The following MESP1 variants were observed in gnomAD, a reference collection of about 807,000 sequenced individuals.
MESP1 encodes the protein mesoderm posterior bHLH transcription factor 1.
A neutral mutation model predicts 15.2 loss-of-function variants in MESP1; 22 were observed. The observed-to-expected ratio is 1.45, with a 90% confidence interval of 1.04 to 2.07. MESP1 has a LOEUF of 2.07. Ranked by LOEUF, MESP1 falls within the 30% of genes most tolerant of loss-of-function variation. The pLI is 0.00. For synonymous variants in MESP1, 216 were observed against 192.6 expected (o/e 1.12, Z -1.01); for missense variants, 484 against 411.9 (o/e 1.17, Z -1.51).
Position 89,750,630 on chromosome 15 carries a change from C to A in MESP1, c.602G>T (p.Trp201Leu). The change falls in exon 1 of 2, where the codon TGG (tryptophan) becomes TTG (leucine). Residue 201 changes from tryptophan to leucine, a missense_variant. Physicochemically the swap from Trp to Leu is moderately conservative, Grantham distance 61. Transcript: ENST00000300057. ...LVSAVRAGAS[W>L]GSPPACPGAR... ...TCCGGGGCAGGCAGGCGGGGATCCC[C>A]AGGACGCCCCGGCGCGGACGGCGGA... The A allele has an allele frequency of 1.4e-6, 2 of 1,380,264 alleles. No homozygotes were observed. Among genetic ancestry groups the A allele is most frequent in the South Asian group, 1.7e-5 (1 of 58,888 alleles). The allele number at this position is 1,380,264 out of a possible 1,614,324, so 85.5% of individuals were successfully genotyped here. A position where few individuals can be genotyped will look rare whatever the true frequency, so the allele number is the denominator to read the frequency against.
rs1968093448 is a variant in MESP1, at chr15:89,751,157, C to T, written c.75G>A (p.Pro25=). The T allele has an allele frequency of 7.9e-7, 1 of 1,264,636 alleles. No individual in the cohort carries two copies. The highest frequency in any genetic ancestry group is 9.9e-7 in the Non-Finnish European group (1 of 1,008,016). The allele number at this position is 1,264,636 out of a possible 1,614,324, so 78.3% of individuals were successfully genotyped here. ...GGCCGCAGTCCTTGTCGGAGGGCGG[C>T]GGCCGCCGAGTTGGGCCCCAGGCCG... The part of the protein sequence containing the change: ...LSAAWGPTRR[P]PPSDKDCGRS... The change falls in exon 1 of 2, where the codon CCG becomes CCA. Residue 25 remains proline (P), a synonymous_variant. Coordinates refer to ENST00000300057, the MANE Select transcript of MESP1 (RefSeq NM_018670.4).
chr15:89,742,920 T>C, the MESP1 span, among the ~76,000 whole-genome samples: 1 of 152,228 alleles, frequency 6.6e-6, no homozygotes, highest in Non-Finnish European at 1.5e-5. Context: ...ACTGGCATAT[T>C]TCAGTCAGCG....
At chr15:89,746,033 C>T (rs985046380), downstream of MESP1, among the ~76,000 whole-genome samples, 146 of 150,262 alleles carry the variant, frequency 9.7e-4, 1 homozygote, top group African/African-American at 3.4e-3. Flanking sequence ...ACAGCATCCA[C>T]ACTTTCACAC....
the MESP1 span, among the ~76,000 whole-genome samples, chr15:89,742,722 G>A: frequency 6.6e-6 from 1 of 151,950 alleles, no homozygotes; most frequent in Non-Finnish European, 1.5e-5. Context: ...TAGTAGAGAC[G>A]GGGTTTCTCC....
At chr15:89,741,653 A>G in the MESP1 span, among the ~76,000 whole-genome samples, 6 of 152,302 alleles carry the variant, frequency 3.9e-5, no homozygotes, top group African/African-American at 1.4e-4. Flanking sequence ...AACACAAAAT[A>G]TGGTGCATCT....
At chr15:89,742,523 T>A in the MESP1 span, among the ~76,000 whole-genome samples, 26 of 152,082 alleles carry the variant, frequency 1.7e-4, no homozygotes, top group Admixed American at 7.2e-4. Context: ...TATTTTTTTT[T>A]AAACAACTCT....
At chr15:89,733,780 C>A in the MESP1 span, among the ~76,000 whole-genome samples, 1 of 152,162 alleles carries the variant, frequency 6.6e-6, no homozygotes, top group African/African-American at 2.4e-5. Context: ...GCCTCCAGAA[C>A]TGTAAGAAAT....
downstream of MESP1, among the ~76,000 whole-genome samples, chr15:89,746,364 C>G (rs1214114019): frequency 7.1e-6 from 1 of 141,482 alleles, no homozygotes; most frequent in African/African-American, 2.9e-5. Flanking sequence ...CACATCCACA[C>G]AGCATCCACA....
At position 89,750,603 on chromosome 15, in the gene MESP1, G is replaced by T; in HGVS notation, c.629C>A (p.Ala210Asp). The T allele has an allele frequency of 7.1e-7, 1 of 1,398,694 alleles. No homozygotes were observed. The highest frequency in any genetic ancestry group is 1.6e-5 in the South Asian group (1 of 62,330). The allele number at this position is 1,398,694 out of a possible 1,614,324, so 86.6% of individuals were successfully genotyped here. The change falls in exon 1 of 2, where the codon GCC becomes GAC. Residue 210 changes from alanine (A) to aspartate (D), a missense_variant. Physicochemically the swap from Ala to Asp is moderately radical, Grantham distance 126. Transcript: ENST00000300057. The part of the protein sequence containing the change: ...SWGSPPACPG[A>D]RAAPEPRDPP... ...GTCGCGCGGCTCGGGTGCAGCTCGG[G>T]CTCCGGGGCAGGCAGGCGGGGATCC...
downstream of MESP1, among the ~76,000 whole-genome samples, chr15:89,748,063 T>C (rs1968005824): frequency 6.6e-6 from 1 of 152,196 alleles, no homozygotes; most frequent in Non-Finnish European, 1.5e-5. Context: ...ACTGGGCCAC[T>C]CCCAGGCTCA....
At chr15:89,732,962 C>T in the MESP1 span, 9 of 1,595,290 alleles carry the variant, frequency 5.6e-6, no homozygotes, top group Non-Finnish European at 7.7e-6. Context: ...TGGCCTCCTC[C>T]CCTACCCCGT....
chr15:89,747,876 G>T (rs1968001751), downstream of MESP1, among the ~76,000 whole-genome samples: 1 of 152,218 alleles, frequency 6.6e-6, no homozygotes, highest in South Asian at 2.1e-4. Flanking sequence ...GGCTACTGTT[G>T]TCGGCTCTGT....
chr15:89,751,000 G>A lies in MESP1; in HGVS notation c.232C>T (p.Arg78Cys). ...SVGRRGARSSRLGSGQRQSAS... is the reference protein window; with the variant it reads ...SVGRRGARSSCLGSGQRQSAS... ...CTCTGCCTCTGCCCGCTGCCCAGGC[G>A]GCTGCTGCGCGCGCCGCGCCTACCT... The change falls in exon 1 of 2, where the codon CGC becomes TGC. Residue 78 changes from arginine (R) to cysteine (C), a missense_variant. By Grantham distance (180) the Arg-to-Cys change is radical. Transcript: ENST00000300057. The A allele has an allele frequency of 1.5e-6, 2 of 1,372,706 alleles. No homozygotes were observed. Among genetic ancestry groups the A allele is most frequent in the Non-Finnish European group, 1.9e-6 (2 of 1,070,268 alleles). The allele number at this position is 1,372,706 out of a possible 1,614,324, so 85.0% of individuals were successfully genotyped here. A position where few individuals can be genotyped will look rare whatever the true frequency, so the allele number is the denominator to read the frequency against.
downstream of MESP1, among the ~76,000 whole-genome samples, chr15:89,747,753 A>T (rs980506752): frequency 6.6e-6 from 1 of 152,198 alleles, no homozygotes; most frequent in Non-Finnish European, 1.5e-5. Context: ...CCTTTTTCTT[A>T]ACGCTCCTGT....
the MESP1 span, chr15:89,733,023 G>T: frequency 6.2e-7 from 1 of 1,613,974 alleles, no homozygotes; most frequent in Non-Finnish European, 8.5e-7. Context: ...TCTTGGGGTC[G>T]CTGCTCTTCC....
At chr15:89,733,330 C>T in the MESP1 span, 1 of 985,620 alleles carries the variant, frequency 1.0e-6, no homozygotes, top group South Asian at 1.6e-5. Context: ...TTTGTATAGT[C>T]ATCACTCTCC....
At chr15:89,733,016 T>A in the MESP1 span, 1 of 1,614,132 alleles carries the variant, frequency 6.2e-7, no homozygotes, top group East Asian at 2.2e-5. Context: ...GATTCCCTCT[T>A]GGGGTCGCTG....
In MESP1 at chr15:89,750,188, T is replaced by C. The variant is rs747098097; in HGVS notation, c.763A>G (p.Met255Val). 1 of 1,614,032 alleles carries C rather than the reference T, an allele frequency of 6.2e-7. No individual in the cohort carries two copies. Among genetic ancestry groups the C allele is most frequent in the Non-Finnish European group, 8.5e-7 (1 of 1,180,006 alleles). ...GDVLALLETW[M>V]PLSPLEWLPE... Reference sequence around the variant, plus strand: ...AGCCACTCCAGAGGCGAGAGGGGCATCCAGGTCTCCAACAGAGCCAGCACG... The same window carrying C: ...AGCCACTCCAGAGGCGAGAGGGGCACCCAGGTCTCCAACAGAGCCAGCACG... Residue 255 changes from methionine to valine, a missense_variant, in exon 2 of 2, where the codon ATG (methionine) becomes GTG (valine). Physicochemically the swap from Met to Val is conservative, Grantham distance 21 (BLOSUM62 1). Coordinates refer to ENST00000300057, the MANE Select transcript of MESP1 (RefSeq NM_018670.4).
In MESP1 at chr15:89,750,794, A is replaced by G; in HGVS notation, c.438T>C (p.Ser146=). Residue 146 remains serine, a synonymous_variant, in exon 1 of 2, where the codon AGT becomes AGC. Transcript: ENST00000300057. The stretch of plus-strand genomic sequence containing the variant: ...CGCGCTGCCGGCACCGGCGCTGGAG[A>G]CTCTCCTCGCTGAGGCCTAGCACGG... The part of the protein sequence containing the change: ...LSAVLGLSEE[S]LQRRCRQRGD... 2.0e-6 allele frequency: 3 copies of G among 1,519,550 alleles called. No individual in the cohort carries two copies. Among genetic ancestry groups the G allele is most frequent in the Non-Finnish European group, 2.6e-6 (3 of 1,139,686 alleles). 94.1% of individuals were successfully genotyped at this position (1,519,550 alleles called of 1,614,324 possible).
Sources: gnomAD v4.1 joint callset for allele counts (sites outside exome capture counted in the v4.1 genomes callset) on GRCh38, gnomAD v4.1.1 for gene constraint, MANE v1.5 for transcripts, NCBI Gene and HGNC (gene_info 2026-07-23, HGNC 2026-07-21) for gene names.